The following SIMC1 variants were observed in gnomAD, a reference collection of about 807,000 sequenced individuals.
SIMC1 encodes the protein SUMO interacting motifs containing 1.
A neutral mutation model predicts 82.3 loss-of-function variants in SIMC1; 55 were observed. The observed-to-expected ratio is 0.67, with a 90% CI of 0.54 to 0.84. SIMC1 has a LOEUF of 0.84. Ranked by LOEUF, SIMC1 falls within the 40% of genes least tolerant of loss-of-function variation. The pLI, the probability that SIMC1 is intolerant of heterozygous loss-of-function variation, is 0.00. For missense variants in SIMC1, 915 were observed against 1,107.2 expected (o/e 0.83, Z 2.46); for synonymous variants, 353 against 426.3 (o/e 0.83, Z 2.12).
chr5:176,242,577 T>C (rs1761309890), intron 1 of SIMC1, among the ~76,000 whole-genome samples: 1 of 152,052 alleles, frequency 6.6e-6, no homozygotes, highest in African/African-American at 2.4e-5. Context: ...AATTTTCCAA[T>C]ATATTTATTG....
chr5:176,273,666 C>G (rs1169350843), intron 1 of SIMC1, among the ~76,000 whole-genome samples: 5 of 152,162 alleles, frequency 3.3e-5, no homozygotes, highest in Non-Finnish European at 7.3e-5. Flanking sequence ...CACCTCACCC[C>G]ACAACAGTCC....
Position 176,289,904 on chromosome 5 carries a change from G to A in SIMC1, c.380G>A (p.Ser127Asn). 2 of 1,613,930 alleles carry A rather than the reference G, an allele frequency of 1.2e-6. No individual in the cohort carries two copies. Among genetic ancestry groups the A allele is most frequent in the Non-Finnish European group, 1.7e-6 (2 of 1,179,840 alleles). ...SQPTARRIIN[S>N]DPVDLDLVEE... ...CCTACAGCACGGAGAATCATTAACAGTGATCCTGTAGATTTGGACCTAGTG... is the reference window on the plus strand; with the variant it reads ...CCTACAGCACGGAGAATCATTAACAATGATCCTGTAGATTTGGACCTAGTG... The change falls in exon 2 of 10, where the codon AGT (serine) becomes AAT (asparagine). Residue 127 changes from serine (S) to asparagine (N), a missense_variant. This residue lies in a region of SIMC1 where 902 missense variants were observed against 1,040.3 expected (regional missense o/e 0.87). Coordinates refer to ENST00000429602, the MANE Select transcript of SIMC1 (RefSeq NM_001308195.2).
intron 2 of SIMC1, among the ~76,000 whole-genome samples, chr5:176,294,082 T>C (rs1178045345): frequency 6.6e-6 from 1 of 152,212 alleles, no homozygotes; most frequent in Non-Finnish European, 1.5e-5. Context: ...GTATCTGATA[T>C]AGTATCACAG....
chr5:176,335,005 T>C (rs1443418020), intron 7 of SIMC1, among the ~76,000 whole-genome samples: 2 of 150,812 alleles, frequency 1.3e-5, no homozygotes, highest in South Asian at 2.1e-4. Flanking sequence ...GTAGGAGAAT[T>C]GCTTGAACCC....
chr5:176,305,561 C>T (rs1461976214), intron 4 of SIMC1, among the ~76,000 whole-genome samples: 1 of 139,596 alleles, frequency 7.2e-6, no homozygotes, highest in African/African-American at 2.7e-5. Context: ...TGGCCAGCCG[C>T]CCCGTCCGGG....
chr5:176,276,020 T>C (rs966329276), intron 1 of SIMC1, among the ~76,000 whole-genome samples: 17 of 151,658 alleles, frequency 1.1e-4, no homozygotes, highest in African/African-American at 4.1e-4. Flanking sequence ...TCATTTTCTA[T>C]TGATTGGAAT....
rs555528767 is a variant in SIMC1, at chr5:176,315,521, G to A, written c.1889+1676G>A. 9.2e-5 allele frequency among the ~76,000 whole-genome samples: 14 copies of A among 152,244 alleles called. No homozygotes were observed. The South Asian group carries it at 1.0e-3, about 11-fold the overall frequency. ...TAACCCCATCATAGGTTGAGCATCC[G>A]AACATCCCTTGCTTTTTTGGAAATG... On this transcript the variant is annotated intron_variant, in intron 5 of 9. Transcript: ENST00000429602.
intron 7 of SIMC1, among the ~76,000 whole-genome samples, chr5:176,330,400 C>CA (rs554910341): frequency 0.012 from 1,122 of 93,906 alleles, 9 homozygotes; most frequent in African/African-American, 0.036. Context: ...GTCTCCATCT[C>CA]AAAAAAAAAA....
rs747965555 is a variant in SIMC1, at chr5:176,290,898, T to A, written c.1374T>A (p.Arg458=). The change falls in exon 2 of 10, where the codon CGT becomes CGA. Residue 458 remains arginine, a synonymous_variant. Transcript: ENST00000429602. Reference sequence around the variant, plus strand: ...TGCATAGACTGAAGTACTTCTTACGTCCTCCGGTTCATCACCTCTTCTTTC... The same window carrying A: ...TGCATAGACTGAAGTACTTCTTACGACCTCCGGTTCATCACCTCTTCTTTC... ...PCLHRLKYFL[R]PPVHHLFFQT... is the part of the protein sequence containing the mutation. The A allele has an allele frequency of 5.5e-5, 88 of 1,611,214 alleles. No individual in the cohort carries two copies. Among genetic ancestry groups the A allele is most frequent in the South Asian group, 3.7e-4 (34 of 90,712 alleles).
intron 4 of SIMC1, among the ~76,000 whole-genome samples, chr5:176,296,967 A>C (rs1053660523): frequency 3.9e-5 from 6 of 152,218 alleles, no homozygotes; most frequent in Non-Finnish European, 8.8e-5. Flanking sequence ...GGGCAGAGAA[A>C]GCCACATATA....
rs576273230 is a variant in SIMC1, at chr5:176,282,419, G to A, written c.130-7235G>A. Among the ~76,000 whole-genome samples the A allele has an allele frequency of 3.7e-3, 565 of 152,342 alleles. 3 individuals carry two copies. Among genetic ancestry groups the A allele is most frequent in the African/African-American group, 0.013 (534 of 41,582 alleles). Reference sequence around the variant, plus strand: ...AATGCCTCGCCCTGCTTCGGCTCGCGCATGGTGCGCTGCACCCACTGACCT... The same window carrying A: ...AATGCCTCGCCCTGCTTCGGCTCGCACATGGTGCGCTGCACCCACTGACCT... On this transcript the variant is annotated intron_variant, in intron 1 of 9. Coordinates refer to ENST00000429602, the MANE Select transcript of SIMC1 (RefSeq NM_001308195.2).
intron 1 of SIMC1, among the ~76,000 whole-genome samples, chr5:176,270,829 G>A (rs1561681359): frequency 6.6e-6 from 1 of 152,202 alleles, no homozygotes. Flanking sequence ...CGGAACTTGA[G>A]TTCCAGCTAG....
intron 2 of SIMC1, among the ~76,000 whole-genome samples, chr5:176,294,521 C>A (rs371105702): frequency 6.6e-6 from 1 of 151,104 alleles, no homozygotes; most frequent in Non-Finnish European, 1.5e-5. Flanking sequence ...TCAAGCAGTT[C>A]TCCTGCCTTG....
intron 1 of SIMC1, among the ~76,000 whole-genome samples, chr5:176,272,458 G>A (rs550900165): frequency 2.0e-4 from 31 of 152,012 alleles, no homozygotes; most frequent in Admixed American, 5.2e-4. Context: ...AATGTATATC[G>A]AAATCCTAGG....
chr5:176,260,166 A>G (rs2913304), intron 1 of SIMC1, among the ~76,000 whole-genome samples: 1 of 152,130 alleles, frequency 6.6e-6, no homozygotes, highest in African/African-American at 2.4e-5. Flanking sequence ...TTCAATAATC[A>G]TTTTATCAGC....
chr5:176,284,383 T>A lies in SIMC1; in HGVS notation c.130-5271T>A, dbSNP rs1369401233. ...GATTAAGAAACTCACTCAAAACCGCTCAACTACATGGAAACTGAACAACCT... is the reference window on the plus strand; with the variant it reads ...GATTAAGAAACTCACTCAAAACCGCACAACTACATGGAAACTGAACAACCT... On this transcript the variant is annotated intron_variant, in intron 1 of 9. Coordinates refer to ENST00000429602, the MANE Select transcript of SIMC1 (RefSeq NM_001308195.2). Among the ~76,000 whole-genome samples the A allele has an allele frequency of 2.0e-5, 3 of 151,936 alleles. No homozygotes were observed. In the East Asian group the frequency reaches 5.8e-4, roughly 29 times the overall value.
chr5:176,307,038 C>G (rs1480648656), intron 4 of SIMC1, among the ~76,000 whole-genome samples: 6 of 152,104 alleles, frequency 3.9e-5, no homozygotes, highest in Admixed American at 3.9e-4. Context: ...AAATGGCCAA[C>G]AAACTTCTGA....
In SIMC1 at chr5:176,277,496, T is replaced by C. The variant is rs1189814547; in HGVS notation, c.130-12158T>C. ...TTTTGGCTTTTGTTGCCATTGCTTT[T>C]GGTGTTTTAGACGTGAAGTCCTTGC... On this transcript the variant is annotated intron_variant, in intron 1 of 9. Coordinates refer to ENST00000429602, the MANE Select transcript of SIMC1 (RefSeq NM_001308195.2). Among the ~76,000 whole-genome samples the C allele has an allele frequency of 1.4e-4, 22 of 152,122 alleles. No homozygotes were observed. In the South Asian group the frequency reaches 1.7e-3, roughly 11 times the overall value.
chr5:176,282,905 A>G (rs546604743), intron 1 of SIMC1, among the ~76,000 whole-genome samples: 18 of 152,386 alleles, frequency 1.2e-4, no homozygotes, highest in South Asian at 4.1e-4. Flanking sequence ...GATTCGATCA[A>G]CTGGAAGAAA....
Sources: gnomAD v4.1 joint callset for allele counts (sites outside exome capture counted in the v4.1 genomes callset) on GRCh38, gnomAD v4.1.1 for gene constraint, gnomAD v4.1.1 regional missense constraint, MANE v1.5 for transcripts, NCBI Gene and HGNC (gene_info 2026-07-23, HGNC 2026-07-21) for gene names.